HTR1F: variants seen among roughly 807,000 people sequenced by gnomAD.
HTR1F encodes the protein 5-hydroxytryptamine receptor 1F.
Under a neutral mutation model 24.0 loss-of-function variants are expected in HTR1F, and 17 were observed. The observed-to-expected ratio is 0.71, with a 90% CI of 0.48 to 1.06. The LOEUF is 1.06. HTR1F is among the 50% of genes least tolerant of loss of function. The pLI is 0.00. For synonymous variants in HTR1F, 186 were observed against 156.8 expected (o/e 1.19, Z -1.39); for missense variants, 391 against 427.8 (o/e 0.91, Z 0.76).
Position 87,991,189 on chromosome 3 carries a change from T to C in HTR1F, c.440T>C (p.Val147Ala). 6 of 1,613,994 alleles carry C rather than the reference T, an allele frequency of 3.7e-6. No homozygotes were observed. The highest frequency in any genetic ancestry group is 4.2e-6 in the Non-Finnish European group (5 of 1,179,978). ...PKHAGIMITI[V>A]WIISVFISMP... ...CATGCTGGCATTATGATTACAATAGTTTGGATTATATCTGTTTTTATCTCT... is the reference window on the plus strand; with the variant it reads ...CATGCTGGCATTATGATTACAATAGCTTGGATTATATCTGTTTTTATCTCT... The change falls in exon 3 of 3, where the codon GTT becomes GCT. Residue 147 changes from valine to alanine, a missense_variant. Physicochemically the swap from Val to Ala is moderately conservative, Grantham distance 64. Transcript: ENST00000319595.
At chr3:87,923,449 A>G (rs1184383557) in intron 2 of HTR1F, among the ~76,000 whole-genome samples, 1 of 151,468 alleles carries the variant, frequency 6.6e-6, no homozygotes, top group Non-Finnish European at 1.5e-5. Flanking sequence ...TTTATCAGAG[A>G]TTTTTTTGGT....
intron 1 of HTR1F, among the ~76,000 whole-genome samples, chr3:87,809,825 T>C (rs1445495089): frequency 3.3e-5 from 5 of 152,070 alleles, no homozygotes; most frequent in Admixed American, 6.6e-5. Context: ...ATTCATCTTG[T>C]CCAATGTTAG....
In HTR1F at chr3:87,987,714, ATG is replaced by A. The variant is rs1559660160; in HGVS notation, c.-42-2992_-42-2991del. On this transcript the variant is annotated intron_variant, in intron 2 of 2. Transcript: ENST00000319595. ...TATATAAAATATATGTATTATATAT[ATG>A]TATTTTATATATGTATTTTATATAT... 8.8e-4 allele frequency among the ~76,000 whole-genome samples: 65 copies of A among 74,214 alleles called. 1 individual carries two copies. The highest frequency in any genetic ancestry group is 6.2e-3 in the Middle Eastern group (1 of 162). The allele number at this position is 74,214 out of a possible 152,430, so 48.7% of individuals were successfully genotyped here. A position where few individuals can be genotyped will look rare whatever the true frequency, so the allele number is the denominator to read the frequency against.
At chr3:87,855,569 G>C (rs187141985) in intron 2 of HTR1F, among the ~76,000 whole-genome samples, 18 of 152,016 alleles carry the variant, frequency 1.2e-4, no homozygotes, top group Admixed American at 1.1e-3. Flanking sequence ...ATGCATTAGG[G>C]GGCCACATTT....
chr3:87,859,192 C>T (rs1705265188), intron 2 of HTR1F, among the ~76,000 whole-genome samples: 1 of 152,148 alleles, frequency 6.6e-6, no homozygotes, highest in African/African-American at 2.4e-5. Context: ...GAGTGAAACT[C>T]TGTGTCAAAA....
chr3:87,931,298 G>T (rs1438187848), intron 2 of HTR1F, among the ~76,000 whole-genome samples: 1 of 151,842 alleles, frequency 6.6e-6, no homozygotes, highest in East Asian at 1.9e-4. Context: ...AACATGCGGT[G>T]TTTGGTTTTT....
At chr3:87,962,945 C>T (rs1705092319) in intron 2 of HTR1F, among the ~76,000 whole-genome samples, 1 of 151,846 alleles carries the variant, frequency 6.6e-6, no homozygotes, top group South Asian at 2.1e-4. Context: ...ATTTTAACAA[C>T]CCTGAAAATT....
rs183900984 is a variant in HTR1F at position 87,943,827 on chromosome 3, G to A, written c.-42-46881G>A. 4.0e-3 allele frequency among the ~76,000 whole-genome samples: 613 copies of A among 152,284 alleles called. 2 individuals are homozygous for A. Among genetic ancestry groups the A allele is most frequent in the African/African-American group, 0.014 (587 of 41,564 alleles). The stretch of plus-strand genomic sequence containing the variant: ...GATATCATGGCCAGGCGGTACTGCA[G>A]AAGAATATAAATCATTTCTTTCTTA... On this transcript the variant is annotated intron_variant, in intron 2 of 2. Transcript: ENST00000319595.
intron 1 of HTR1F, among the ~76,000 whole-genome samples, chr3:87,793,835 C>G (rs1013888118): frequency 6.6e-6 from 1 of 151,702 alleles, no homozygotes; most frequent in African/African-American, 2.4e-5. Context: ...CCTTGACGAT[C>G]GTAATATAGT....
At chr3:87,971,003 C>G (rs1170341503) in intron 2 of HTR1F, among the ~76,000 whole-genome samples, 1 of 152,200 alleles carries the variant, frequency 6.6e-6, no homozygotes, top group Non-Finnish European at 1.5e-5. Context: ...CTCTTACCTT[C>G]ATGATCCCTG....
chr3:87,921,560 T>C (rs937610791), intron 2 of HTR1F, among the ~76,000 whole-genome samples: 1 of 151,948 alleles, frequency 6.6e-6, no homozygotes, highest in Admixed American at 6.6e-5. Flanking sequence ...CCTCAAACCA[T>C]TATCATTTCT....
chr3:87,933,867 G>A (rs763188164), intron 2 of HTR1F, among the ~76,000 whole-genome samples: 1 of 152,118 alleles, frequency 6.6e-6, no homozygotes, highest in East Asian at 1.9e-4. Context: ...TGAAAGTCAT[G>A]GGCAGTAGCA....
At chr3:87,918,870 A>G (rs1279285655) in intron 2 of HTR1F, among the ~76,000 whole-genome samples, 2 of 152,122 alleles carry the variant, frequency 1.3e-5, no homozygotes, top group Non-Finnish European at 2.9e-5. Context: ...ATTAGAAAAA[A>G]ACAATTCTAA....
chr3:87,977,265 T>G (rs1705414976), intron 2 of HTR1F, among the ~76,000 whole-genome samples: 1 of 152,098 alleles, frequency 6.6e-6, no homozygotes, highest in African/African-American at 2.4e-5. Context: ...AGCCCTATAC[T>G]CCAGATGACA....
chr3:87,867,245 C>T (rs1343135268), intron 2 of HTR1F, among the ~76,000 whole-genome samples: 3 of 151,674 alleles, frequency 2.0e-5, no homozygotes, highest in Non-Finnish European at 2.9e-5. Flanking sequence ...GCATTTTCAC[C>T]CTTGATAAGA....
rs772688320 is a variant in HTR1F at position 87,991,836 on chromosome 3, C to T, written c.1087C>T (p.Arg363Ter). ...CAAGAAAGCATTCCAAAAGCTTGTG[C>T]GATGTCGATGTTAGTTTTAAAAATG... ...DFKKAFQKLV[R>*]CRC The change falls in exon 3 of 3, where the codon CGA becomes TGA. Residue 363 changes from arginine (R) to a stop codon, truncating the protein, a stop_gained. Coordinates refer to ENST00000319595, the MANE Select transcript of HTR1F (RefSeq NM_001322209.2). LOFTEE classifies it high-confidence loss of function. 8 of 1,567,126 alleles carry T rather than the reference C, an allele frequency of 5.1e-6. No individual in the cohort carries two copies. Among genetic ancestry groups the T allele is most frequent in the East Asian group, 2.3e-5 (1 of 44,210 alleles).
At chr3:87,816,128 G>A (rs1358714078) in intron 1 of HTR1F, among the ~76,000 whole-genome samples, 1 of 152,010 alleles carries the variant, frequency 6.6e-6, no homozygotes, top group African/African-American at 2.4e-5. Context: ...GGGCTTAATT[G>A]AGTGGCTAAA....
At chr3:87,935,213 C>T (rs1704382478) in intron 2 of HTR1F, among the ~76,000 whole-genome samples, 1 of 152,086 alleles carries the variant, frequency 6.6e-6, no homozygotes, top group Non-Finnish European at 1.5e-5. Context: ...GCAGAGACAA[C>T]AACGTGAGAA....
intron 2 of HTR1F, among the ~76,000 whole-genome samples, chr3:87,972,311 G>A (rs1009385535): frequency 6.6e-6 from 1 of 152,064 alleles, no homozygotes; most frequent in Non-Finnish European, 1.5e-5. Context: ...TCAACTTAAA[G>A]TTTCCATCTA....
Sources: allele counts gnomAD v4.1 joint callset (sites outside exome capture counted in the v4.1 genomes callset), GRCh38; gene constraint gnomAD v4.1.1; transcripts MANE v1.5; gene names NCBI Gene and HGNC (gene_info 2026-07-23, HGNC 2026-07-21).